Variants in FER observed in about 807,000 individuals in gnomAD.
FER encodes the protein tyrosine-protein kinase Fer.
FER carries 63 observed loss-of-function variants against 111.0 expected under a neutral mutation model. That is an observed-to-expected ratio of 0.57 (90% confidence interval 0.46 to 0.70). The LOEUF is 0.70. Among genes scored for constraint, FER ranks in the 30% least tolerant of loss-of-function variants. FER has a pLI of 0.00. For missense variants in FER, 914 were observed against 954.0 expected (o/e 0.96, Z 0.55); for synonymous variants, 327 against 313.9 (o/e 1.04, Z -0.44).
At chr5:108,752,439 A>G (rs1750607447) in intron 1 of FER, among the ~76,000 whole-genome samples, 2 of 152,036 alleles carry the variant, frequency 1.3e-5, no homozygotes, top group Admixed American at 6.5e-5. Flanking sequence ...ATTCACATCA[A>G]AATTTGTAAG....
intron 17 of FER, among the ~76,000 whole-genome samples, chr5:109,126,165 C>G (rs139528431): frequency 6.6e-6 from 1 of 152,174 alleles, no homozygotes; most frequent in East Asian, 1.9e-4. Context: ...CGAAAAAAGA[C>G]GCTAAACATT....
rs369282675 is a variant in FER, at chr5:109,075,472, C to T, written c.1925-24924C>T. On this transcript the variant is annotated intron_variant, in intron 16 of 19. Transcript: ENST00000281092. ...TGAGGCAGAGTCTCGCTCTGTCACC[C>T]GGGCTGGAGGGCGCAATCTCGACTC... Among the ~76,000 whole-genome samples the T allele has an allele frequency of 2.7e-5, 4 of 149,626 alleles. 1 individual carries two copies. The highest frequency in any genetic ancestry group is 9.9e-5 in the African/African-American group (4 of 40,608).
chr5:108,785,082 G>T, intron 2 of FER: 1 of 417,736 alleles, frequency 2.4e-6, no homozygotes. Context: ...TTGCCTAACA[G>T]CAGCAACCCT....
intron 4 of FER, among the ~76,000 whole-genome samples, chr5:108,834,890 G>C (rs1248823863): frequency 1.3e-5 from 2 of 152,026 alleles, no homozygotes; most frequent in Non-Finnish European, 2.9e-5. Context: ...AAAGGGGTTT[G>C]AGATTATCTT....
intron 17 of FER, among the ~76,000 whole-genome samples, chr5:109,130,584 A>G (rs1254862475): frequency 6.6e-6 from 1 of 152,192 alleles, no homozygotes; most frequent in East Asian, 1.9e-4. Context: ...TGAAAAATTT[A>G]TCATTTTAAC....
chr5:108,857,892 A>G (rs1763151506), intron 5 of FER, among the ~76,000 whole-genome samples: 1 of 152,156 alleles, frequency 6.6e-6, no homozygotes, highest in Non-Finnish European at 1.5e-5. Flanking sequence ...CATTCCTATC[A>G]TTCATTGAAT....
chr5:109,186,096 ACAT>A, intron 18 of FER, 101 bp from the exon 19 acceptor site: 1 of 1,507,206 alleles, frequency 6.6e-7, no homozygotes, highest in Non-Finnish European at 9.2e-7. Flanking sequence ...CATTGACCAA[ACAT>A]CATTATGTGG....
chr5:108,846,646 G>T (rs990386236), intron 5 of FER, among the ~76,000 whole-genome samples: 1 of 151,788 alleles, frequency 6.6e-6, no homozygotes, highest in Non-Finnish European at 1.5e-5. Flanking sequence ...GCAGTGGCGC[G>T]ATCACGGCCC....
At chr5:109,137,358 T>A (rs1436912944) in intron 17 of FER, among the ~76,000 whole-genome samples, 1 of 152,148 alleles carries the variant, frequency 6.6e-6, no homozygotes, top group Non-Finnish European at 1.5e-5. Context: ...TCCCTTAGGG[T>A]TTACTAAAGC....
intron 16 of FER, among the ~76,000 whole-genome samples, chr5:109,093,369 C>T (rs76441519): frequency 0.034 from 5,206 of 152,104 alleles, 143 homozygotes; most frequent in South Asian, 0.084. Context: ...AGTATTATTT[C>T]AATATAATAT....
intron 4 of FER, among the ~76,000 whole-genome samples, chr5:108,834,057 T>C (rs1368357997): frequency 6.6e-6 from 1 of 152,192 alleles, no homozygotes; most frequent in African/African-American, 2.4e-5. Flanking sequence ...TTAAAAAATA[T>C]GTAGGTTCTC....
chr5:109,003,357 A>G (rs1177694637), intron 13 of FER, among the ~76,000 whole-genome samples: 2 of 152,216 alleles, frequency 1.3e-5, no homozygotes, highest in South Asian at 2.1e-4. Context: ...TCAGCAGACT[A>G]TCACAAGGAC....
chr5:108,892,634 G>A (rs867023213), intron 9 of FER, among the ~76,000 whole-genome samples: 36 of 152,060 alleles, frequency 2.4e-4, no homozygotes, highest in African/African-American at 8.5e-4. Context: ...TCACTCTGAT[G>A]GTAGTTTCTT....
At chr5:109,131,850 G>C (rs1752393471) in intron 17 of FER, among the ~76,000 whole-genome samples, 1 of 152,142 alleles carries the variant, frequency 6.6e-6, no homozygotes, top group Admixed American at 6.6e-5. Flanking sequence ...GTTTAGCCAT[G>C]TTAGTATCAT....
At chr5:108,858,992 C>T (rs1177553393) in intron 5 of FER, among the ~76,000 whole-genome samples, 4 of 151,760 alleles carry the variant, frequency 2.6e-5, no homozygotes, top group Non-Finnish European at 5.9e-5. Context: ...TATGAATTCC[C>T]AAAAGTGTGA....
intron 2 of FER, among the ~76,000 whole-genome samples, chr5:108,781,791 A>AAGAGCCTATAGATATCAGAGC (rs1754112782): frequency 6.6e-6 from 1 of 152,016 alleles, no homozygotes; most frequent in Admixed American, 6.6e-5. Flanking sequence ...AGTTAGTTAG[A>AAGAGCCTATAGATATCAGAGC]CTCTGATAGA....
intron 13 of FER, among the ~76,000 whole-genome samples, chr5:108,971,691 A>G (rs1760685286): frequency 6.6e-6 from 1 of 152,174 alleles, no homozygotes; most frequent in South Asian, 2.1e-4. Context: ...AACATTCTAC[A>G]TCAGCATTTT....
intron 10 of FER, among the ~76,000 whole-genome samples, chr5:108,921,865 G>A (rs985340387): frequency 5.3e-5 from 8 of 152,144 alleles, no homozygotes; most frequent in Non-Finnish European, 1.2e-4. Context: ...GATCACATCT[G>A]TTATGGTTTG....
Position 108,841,727 on chromosome 5 carries a change from T to C in FER, c.481+5920T>C, listed in dbSNP as rs183700344. 8 of 259,572 alleles carry C rather than the reference T, an allele frequency of 3.1e-5. No homozygotes were observed. In the East Asian group the frequency reaches 9.6e-4, roughly 31 times the overall value. 16.1% of individuals were successfully genotyped at this position (259,572 alleles called of 1,614,324 possible). On this transcript the variant is annotated intron_variant, in intron 5 of 19. Transcript: ENST00000281092. ...TTTAAGCTGCTGAACCTGCAGTCTG[T>C]TTTGTACCATCAGGTGAGAGTGAGA...
Sources: allele counts gnomAD v4.1 joint callset (sites outside exome capture counted in the v4.1 genomes callset), GRCh38; gene constraint gnomAD v4.1.1; transcripts MANE v1.5; gene names NCBI Gene and HGNC (gene_info 2026-07-23, HGNC 2026-07-21).